MYBL1: variants seen among roughly 807,000 people sequenced by gnomAD.
The protein encoded by MYBL1 is MYB proto-oncogene like 1.
In MYBL1, 17 loss-of-function variants were observed where a neutral mutation model predicts 96.3. The ratio of observed to expected loss-of-function variants is 0.18; its 90% CI spans 0.12 to 0.26. The LOEUF is 0.26. MYBL1 is among the 10% of genes least tolerant of loss of function. The probability of loss-of-function intolerance (pLI) is 1.00; values close to 1 mark genes in which losing one functional copy is unlikely to be tolerated. For synonymous variants in MYBL1, 282 were observed against 292.7 expected (o/e 0.96, Z 0.37); for missense variants, 701 against 882.9 (o/e 0.79, Z 2.61).
chr8:66,597,660 A>T, intron 4 of MYBL1, 110 bp from the exon 5 acceptor site: 1 of 682,616 alleles, frequency 1.5e-6, no homozygotes, highest in Non-Finnish European at 2.3e-6. Context: ...CCACAACTAC[A>T]ATTTGTTAAA....
At chr8:66,588,157 A>G (rs1325238265) in intron 8 of MYBL1, among the ~76,000 whole-genome samples, 1 of 152,160 alleles carries the variant, frequency 6.6e-6, no homozygotes, top group Non-Finnish European at 1.5e-5. Context: ...GGTTCCCTCC[A>G]AACCACATAC....
In MYBL1 at chr8:66,595,688, T is replaced by C; in HGVS notation, c.582A>G (p.Leu194=). The change falls in exon 6 of 16, where the codon TTA becomes TTG. Residue 194 remains leucine, a synonymous_variant. Coordinates refer to ENST00000522677, the MANE Select transcript of MYBL1 (RefSeq NM_001080416.4). ...ATCGTTCTGATTTTATTCCATCTTG[T>C]AAATAGCCCTCCTGTTCCACTTTTC... ...MRRKVEQEGY[L]QDGIKSERSS... 3 of 1,582,434 alleles carry C rather than the reference T, an allele frequency of 1.9e-6. No individual in the cohort carries two copies. The highest frequency in any genetic ancestry group is 1.2e-5 in the South Asian group (1 of 86,634).
intron 7 of MYBL1, 113 bp from the exon 8 acceptor site, chr8:66,592,657 G>C (rs1380606381): frequency 1.3e-5 from 8 of 633,764 alleles, no homozygotes; most frequent in Non-Finnish European, 2.1e-5. Context: ...TTCTAATAAA[G>C]CTTAATGCTA....
At chr8:66,568,201 A>G (rs1808587279) in intron 12 of MYBL1, among the ~76,000 whole-genome samples, 1 of 152,210 alleles carries the variant, frequency 6.6e-6, no homozygotes, top group South Asian at 2.1e-4. Context: ...AAATGTTAAA[A>G]GTATTCTCAT....
intron 9 of MYBL1, among the ~76,000 whole-genome samples, chr8:66,576,603 T>C (rs1808959385): frequency 6.6e-6 from 1 of 152,204 alleles, no homozygotes; most frequent in African/African-American, 2.4e-5. Context: ...TGAAGCTTAC[T>C]GTCAAAGTAC....
At chr8:66,602,177 G>A (rs1197061589) in intron 2 of MYBL1, among the ~76,000 whole-genome samples, 1 of 151,872 alleles carries the variant, frequency 6.6e-6, no homozygotes, top group Non-Finnish European at 1.5e-5. Context: ...AGCCTCCCAA[G>A]TAGGATTAGG....
chr8:66,607,699 C>CA (rs542129633), intron 1 of MYBL1, among the ~76,000 whole-genome samples: 16,881 of 117,622 alleles, frequency 0.14, 2,043 homozygotes, highest in African/African-American at 0.34. Flanking sequence ...TTTCAAAACC[C>CA]AAAAAAAAAA....
intron 3 of MYBL1, among the ~76,000 whole-genome samples, chr8:66,600,616 T>C (rs951654835): frequency 9.9e-5 from 15 of 152,172 alleles, no homozygotes; most frequent in Admixed American, 8.5e-4. Flanking sequence ...CTAGACATTA[T>C]AGATAAGGAA....
intron 1 of MYBL1, chr8:66,612,612 T>C (rs768286441): frequency 2.1e-6 from 1 of 465,952 alleles, no homozygotes; most frequent in Non-Finnish European, 3.5e-6. Flanking sequence ...ATCTCTTACG[T>C]CCCGCGCCTC....
intron 8 of MYBL1, among the ~76,000 whole-genome samples, chr8:66,588,274 T>C (rs944493977): frequency 1.4e-5 from 2 of 147,350 alleles, no homozygotes; most frequent in African/African-American, 5.0e-5. Context: ...TAAATGTGAA[T>C]CTCTTTTTTT....
intron 12 of MYBL1, among the ~76,000 whole-genome samples, chr8:66,569,218 G>GT (rs904539132): frequency 1.3e-5 from 2 of 151,780 alleles, no homozygotes; most frequent in African/African-American, 2.4e-5. Flanking sequence ...TTGGTTTTCT[G>GT]TTTCTGTGTT....
At chr8:66,585,539 G>A (rs1409585279) in intron 8 of MYBL1, among the ~76,000 whole-genome samples, 2 of 152,046 alleles carry the variant, frequency 1.3e-5, no homozygotes, top group African/African-American at 2.4e-5. Context: ...TCAGGAGTTC[G>A]AGACCAGCCT....
At chr8:66,577,025 C>T (rs1285972631) in intron 9 of MYBL1, among the ~76,000 whole-genome samples, 2 of 152,222 alleles carry the variant, frequency 1.3e-5, no homozygotes, top group South Asian at 4.2e-4. Context: ...CAAAATTCAA[C>T]AACCCTTCAT....
intron 2 of MYBL1, 106 bp from the exon 3 acceptor site, chr8:66,601,875 G>A: frequency 2.0e-6 from 1 of 511,050 alleles, no homozygotes; most frequent in Non-Finnish European, 3.5e-6. Flanking sequence ...GGTAACCATA[G>A]AATAACTAAA....
At chr8:66,577,567 T>G (rs536277406) in intron 9 of MYBL1, among the ~76,000 whole-genome samples, 12 of 152,158 alleles carry the variant, frequency 7.9e-5, no homozygotes, top group African/African-American at 2.4e-4. Context: ...TACTGCTCAA[T>G]GAAATAAAAG....
intron 12 of MYBL1, among the ~76,000 whole-genome samples, chr8:66,572,075 G>A (rs577071296): frequency 6.6e-6 from 1 of 150,708 alleles, no homozygotes; most frequent in African/African-American, 2.4e-5. Flanking sequence ...TTGGGAGGCC[G>A]AGGTGGGGGG....
At chr8:66,580,035 CA>C in intron 9 of MYBL1, 97 bp downstream of exon 9, 1 of 888,728 alleles carries the variant, frequency 1.1e-6, no homozygotes, top group Non-Finnish European at 1.7e-6. Flanking sequence ...GCATGGCATA[CA>C]AAACATAAAA....
rs929284753 is a variant in MYBL1 at position 66,562,238 on chromosome 8, T to C, written c.*2459A>G. Reference sequence around the variant, plus strand: ...TGTCAACATTGTATGCAAGATTCTCTTACAATGAAGTTTTCCATATATCAC... The same window carrying C: ...TGTCAACATTGTATGCAAGATTCTCCTACAATGAAGTTTTCCATATATCAC... On this transcript the variant is annotated 3_prime_UTR_variant, in exon 16 of 16. Transcript: ENST00000522677. The C allele has an allele frequency of 5.9e-5, 9 of 152,680 alleles. No homozygotes were observed. The highest frequency in any genetic ancestry group is 1.2e-4 in the Non-Finnish European group (8 of 68,046). 9.5% of individuals were successfully genotyped at this position (152,680 alleles called of 1,614,324 possible). A position where few individuals can be genotyped will look rare whatever the true frequency, so the allele number is the denominator to read the frequency against.
intron 9 of MYBL1, among the ~76,000 whole-genome samples, chr8:66,579,014 A>G (rs9773272): frequency 0.98 from 148,841 of 151,926 alleles, 72,919 homozygotes; most frequent in East Asian, 1. Flanking sequence ...CTCACTCATA[A>G]ATGGGAATTG....
Sources: gnomAD v4.1 joint callset for allele counts (sites outside exome capture counted in the v4.1 genomes callset) on GRCh38, gnomAD v4.1.1 for gene constraint, MANE v1.5 for transcripts, NCBI Gene and HGNC (gene_info 2026-07-23, HGNC 2026-07-21) for gene names.